SPZ1: variants seen among roughly 807,000 people sequenced by gnomAD.
SPZ1 encodes the protein spermatogenic leucine zipper 1.
For synonymous variants in SPZ1, 160 were observed against 167.6 expected, an observed-to-expected ratio of 0.95 and a Z score of 0.35; for missense variants, 408 against 486.2, an observed-to-expected ratio of 0.84 and a Z score of 1.51.
rs772125664 is a variant in SPZ1 at position 80,321,218 on chromosome 5, G to A, written c.1003G>A (p.Val335Ile). ...ENECQILQQR[V>I]EILKELHHQK... ...TGAATGCCAAATCTTACAGCAGAGA[G>A]TAGAGATTCTCAAGGAACTCCATCA... The change falls in exon 1 of 1, where the codon GTA (valine) becomes ATA (isoleucine). Residue 335 changes from valine to isoleucine, a missense_variant. Transcript: ENST00000296739. 1.2e-6 allele frequency: 2 copies of A among 1,613,952 alleles called. No homozygotes were observed. Among genetic ancestry groups the A allele is most frequent in the Non-Finnish European group, 1.7e-6 (2 of 1,180,026 alleles).
rs1246195835 is a variant in SPZ1 at position 80,320,918 on chromosome 5, A to G, written c.703A>G (p.Asn235Asp). The G allele has an allele frequency of 6.2e-7, 1 of 1,609,868 alleles. No individual in the cohort carries two copies. The highest frequency in any genetic ancestry group is 1.1e-5 in the South Asian group (1 of 89,494). ...QSQEKAKNRL[N>D]VQEETMKIRN... ...TCAGGAAAAAGCAAAAAACAGACTTAATGTTCAAGAAGAAACTATGAAAAT... is the reference window on the plus strand; with the variant it reads ...TCAGGAAAAAGCAAAAAACAGACTTGATGTTCAAGAAGAAACTATGAAAAT... Residue 235 changes from asparagine (N) to aspartate (D), a missense_variant, in exon 1 of 1, where the codon AAT (asparagine) becomes GAT (aspartate). By Grantham distance (23) the Asn-to-Asp change is conservative (BLOSUM62 1). Transcript: ENST00000296739.
At position 80,320,846 on chromosome 5, in the gene SPZ1, G is replaced by A; in HGVS notation, c.631G>A (p.Val211Ile). 6.2e-7 allele frequency: 1 copy of A among 1,614,028 alleles called. No individual in the cohort carries two copies. Among genetic ancestry groups the A allele is most frequent in the East Asian group, 2.2e-5 (1 of 44,870 alleles). Reference protein sequence around the residue: ...NTAQVFARDLVNRLEEKKVLN... With the variant: ...NTAQVFARDLINRLEEKKVLN... The stretch of plus-strand genomic sequence containing the variant: ...CGCACAAGTTTTTGCAAGAGATTTG[G>A]TAAATCGTTTAGAAGAAAAAAAAGT... The change falls in exon 1 of 1, where the codon GTA becomes ATA. Residue 211 changes from valine (V) to isoleucine (I), a missense_variant. Val to Ile is a conservative substitution (Grantham distance 29). Coordinates refer to ENST00000296739, the MANE Select transcript of SPZ1 (RefSeq NM_032567.4).
At position 80,320,994 on chromosome 5, in the gene SPZ1, A is replaced by G; in HGVS notation, c.779A>G (p.Gln260Arg). The G allele has an allele frequency of 6.2e-7, 1 of 1,614,210 alleles. No homozygotes were observed. Among genetic ancestry groups the G allele is most frequent in the Non-Finnish European group, 8.5e-7 (1 of 1,180,036 alleles). ...CAGGAAGCAGAACACTGGAGTAAACAACATACTGAGCTCAGTAAACTGATA... is the reference window on the plus strand; with the variant it reads ...CAGGAAGCAGAACACTGGAGTAAACGACATACTGAGCTCAGTAAACTGATA... ...LLQEAEHWSKQHTELSKLIKS... is the reference protein window; with the variant it reads ...LLQEAEHWSKRHTELSKLIKS... The change falls in exon 1 of 1, where the codon CAA (glutamine) becomes CGA (arginine). Residue 260 changes from glutamine (Q) to arginine (R), a missense_variant. Transcript: ENST00000296739.
In SPZ1 at chr5:80,321,743, C is replaced by G. The variant is rs778493915; in HGVS notation, c.*235C>G. On this transcript the variant is annotated 3_prime_UTR_variant, in exon 1 of 1. Transcript: ENST00000296739. ...GTTCATAACTTTTCACCTTTACAAT[C>G]TGCTTGTTTTTTTTGTAATTATTAG... 5 of 339,120 alleles carry G rather than the reference C, an allele frequency of 1.5e-5. No homozygotes were observed. Among genetic ancestry groups the G allele is most frequent in the Admixed American group, 9.4e-5 (2 of 21,344 alleles). 21.0% of individuals were successfully genotyped at this position (339,120 alleles called of 1,614,324 possible).
At position 80,320,981 on chromosome 5, in the gene SPZ1, C is replaced by T; in HGVS notation, c.766C>T (p.His256Tyr). The change falls in exon 1 of 1, where the codon CAC (histidine) becomes TAC (tyrosine). Residue 256 changes from histidine (H) to tyrosine (Y), a missense_variant. Physicochemically the swap from His to Tyr is moderately conservative, Grantham distance 83. Coordinates refer to ENST00000296739, the MANE Select transcript of SPZ1 (RefSeq NM_032567.4). ...GGAGCAGTTACTACAGGAAGCAGAA[C>T]ACTGGAGTAAACAACATACTGAGCT... Reference protein sequence around the residue: ...NMEQLLQEAEHWSKQHTELSK... With the variant: ...NMEQLLQEAEYWSKQHTELSK... 1 of 1,614,050 alleles carries T rather than the reference C, an allele frequency of 6.2e-7. No homozygotes were observed. Among genetic ancestry groups the T allele is most frequent in the Non-Finnish European group, 8.5e-7 (1 of 1,180,006 alleles).
Position 80,320,250 on chromosome 5 carries a change from C to G in SPZ1, c.35C>G (p.Thr12Ser). ...TCTGCTAAGTCAGCTGAGATGCCCA[C>G]CATCTCCAAAACCGTTAACCCTACT... The part of the protein sequence containing the change: ...ASSAKSAEMP[T>S]ISKTVNPTPD... Residue 12 changes from threonine (T) to serine (S), a missense_variant, in exon 1 of 1, where the codon ACC (threonine) becomes AGC (serine). By Grantham distance (58) the Thr-to-Ser change is moderately conservative. Transcript: ENST00000296739. 6.2e-7 allele frequency: 1 copy of G among 1,612,298 alleles called. No individual in the cohort carries two copies. The highest frequency in any genetic ancestry group is 8.5e-7 in the Non-Finnish European group (1 of 1,179,328).
chr5:80,320,566 C>T lies in SPZ1; in HGVS notation c.351C>T (p.Asp117=), dbSNP rs921122325. The change falls in exon 1 of 1, where the codon GAC becomes GAT. Residue 117 remains aspartate (D), a synonymous_variant. Transcript: ENST00000296739. ...SAHKENIRGL[D]KINEMLSTNL... ...ACAAAGAAAATATCAGAGGACTTGA[C>T]AAAATCAATGAAATGTTATCAACAA... The T allele has an allele frequency of 4.5e-6, 7 of 1,570,350 alleles. No individual in the cohort carries two copies. Among genetic ancestry groups the T allele is most frequent in the African/African-American group, 1.4e-5 (1 of 73,338 alleles).
Position 80,320,505 on chromosome 5 carries a change from T to C in SPZ1, c.290T>C (p.Phe97Ser), listed in dbSNP as rs770757331. 3 of 1,614,092 alleles carry C rather than the reference T, an allele frequency of 1.9e-6. No individual in the cohort carries two copies. The highest frequency in any genetic ancestry group is 1.7e-6 in the Non-Finnish European group (2 of 1,180,044). Reference protein sequence around the residue: ...EEKITEAKELFEETNITEDVS... With the variant: ...EEKITEAKELSEETNITEDVS... ...AAGATCACAGAAGCAAAAGAACTTT[T>C]TGAGGAAACCAATATTACTGAGGAT... Residue 97 changes from phenylalanine to serine, a missense_variant, in exon 1 of 1, where the codon TTT (phenylalanine) becomes TCT (serine). Transcript: ENST00000296739.
Position 80,321,515 on chromosome 5 carries a change from C to A in SPZ1, c.*7C>A. ...AGCTAGCAGCCTAAGATAGAAAATA[C>A]CAAAAGCAGATGAAAAGGTGAATCC... On this transcript the variant is annotated 3_prime_UTR_variant, in exon 1 of 1. Coordinates refer to ENST00000296739, the MANE Select transcript of SPZ1 (RefSeq NM_032567.4). The A allele has an allele frequency of 6.4e-7, 1 of 1,552,640 alleles. No individual in the cohort carries two copies. The highest frequency in any genetic ancestry group is 8.6e-7 in the Non-Finnish European group (1 of 1,156,784).
chr5:80,320,183 A>T lies in SPZ1; in HGVS notation c.-33A>T. The T allele has an allele frequency of 6.5e-7, 1 of 1,537,940 alleles. No homozygotes were observed. Among genetic ancestry groups the T allele is most frequent in the Non-Finnish European group, 8.8e-7 (1 of 1,135,462 alleles). On this transcript the variant is annotated 5_prime_UTR_variant, in exon 1 of 1. Coordinates refer to ENST00000296739, the MANE Select transcript of SPZ1 (RefSeq NM_032567.4). ...AGGACCATCACCTGTCCTTCCTGGA[A>T]TCTCTAAAGTTTTCTGCTTTCCTTC... is the stretch of plus-strand genomic sequence containing the variant.
Position 80,320,077 on chromosome 5 carries a change from A to G in SPZ1, c.-139A>G. On this transcript the variant is annotated 5_prime_UTR_variant, in exon 1 of 1. Coordinates refer to ENST00000296739, the MANE Select transcript of SPZ1 (RefSeq NM_032567.4). ...GTCTGAGATGCCACCTTCCACCTAAACATCATCTCCCAAATTTTAATCCTT... is the reference window on the plus strand; with the variant it reads ...GTCTGAGATGCCACCTTCCACCTAAGCATCATCTCCCAAATTTTAATCCTT... The G allele has an allele frequency of 1.4e-6, 1 of 692,736 alleles. No individual in the cohort carries two copies. Among genetic ancestry groups the G allele is most frequent in the South Asian group, 2.1e-5 (1 of 47,032 alleles). 42.9% of individuals were successfully genotyped at this position (692,736 alleles called of 1,614,324 possible). A position where few individuals can be genotyped will look rare whatever the true frequency, so the allele number is the denominator to read the frequency against.
chr5:80,320,510 G>A lies in SPZ1; in HGVS notation c.295G>A (p.Glu99Lys). ...CACAGAAGCAAAAGAACTTTTTGAGGAAACCAATATTACTGAGGATGTGTC... is the reference window on the plus strand; with the variant it reads ...CACAGAAGCAAAAGAACTTTTTGAGAAAACCAATATTACTGAGGATGTGTC... ...KITEAKELFE[E>K]TNITEDVSAH... Residue 99 changes from glutamate to lysine, a missense_variant, in exon 1 of 1, where the codon GAA (glutamate) becomes AAA (lysine). By Grantham distance (56) the Glu-to-Lys change is moderately conservative. Coordinates refer to ENST00000296739, the MANE Select transcript of SPZ1 (RefSeq NM_032567.4). 1 of 1,614,070 alleles carries A rather than the reference G, an allele frequency of 6.2e-7. No individual in the cohort carries two copies. Among genetic ancestry groups the A allele is most frequent in the Admixed American group, 1.7e-5 (1 of 60,002 alleles).
rs1236587267 is a variant in SPZ1 at position 80,320,824 on chromosome 5, AC to A, written c.610del (p.Gln204LysfsTer8). ...AAAACCAGAACTCTGAGAACACCGC[AC>A]AAGTTTTTGCAAGAGATTTGGTAAA... On this transcript the variant is annotated frameshift_variant, in exon 2 of 2. Transcript: ENST00000511881. LOFTEE classifies it low-confidence loss of function (END_TRUNC). 6 of 1,614,206 alleles carry A rather than the reference AC, an allele frequency of 3.7e-6. No individual in the cohort carries two copies. Among genetic ancestry groups the A allele is most frequent in the South Asian group, 2.2e-5 (2 of 91,072 alleles).
chr5:80,320,021 C>T lies in SPZ1; in HGVS notation c.-195C>T, dbSNP rs1743521741. 3 of 535,252 alleles carry T rather than the reference C, an allele frequency of 5.6e-6. No individual in the cohort carries two copies. The highest frequency in any genetic ancestry group is 3.6e-5 in the Admixed American group (1 of 27,918). The allele number at this position is 535,252 out of a possible 1,614,324, so 33.2% of individuals were successfully genotyped here. ...GAAGAGATGGAGCCCCAGCCTTGGT[C>T]CCCTTTCCCACCCTTCCTCCCCACA... On this transcript the variant is annotated 5_prime_UTR_variant, in exon 1 of 1. Coordinates refer to ENST00000296739, the MANE Select transcript of SPZ1 (RefSeq NM_032567.4).
chr5:80,320,595 T>C lies in SPZ1; in HGVS notation c.380T>C (p.Leu127Pro). Residue 127 changes from leucine (L) to proline (P), a missense_variant, in exon 1 of 1, where the codon CTG becomes CCG. Coordinates refer to ENST00000296739, the MANE Select transcript of SPZ1 (RefSeq NM_032567.4). ...ATCAATGAAATGTTATCAACAAACC[T>C]GCCTGTTAGTTTAGCCCCAGAGAAA... is the stretch of plus-strand genomic sequence containing the variant. Reference protein sequence around the residue: ...DKINEMLSTNLPVSLAPEKED... With the variant: ...DKINEMLSTNPPVSLAPEKED... 1 of 1,613,246 alleles carries C rather than the reference T, an allele frequency of 6.2e-7. No individual in the cohort carries two copies. The highest frequency in any genetic ancestry group is 1.1e-5 in the South Asian group (1 of 90,828).
chr5:80,320,120 T>TGGA lies in SPZ1; in HGVS notation c.-96_-95insGGA. 1 of 961,314 alleles carries TGGA rather than the reference T, an allele frequency of 1.0e-6. No homozygotes were observed. Among genetic ancestry groups the TGGA allele is most frequent in the Admixed American group, 2.5e-5 (1 of 40,016 alleles). 59.5% of individuals were successfully genotyped at this position (961,314 alleles called of 1,614,324 possible). ...TAATCCTTAACTTTGGTCTCTGACT[T>TGGA]CTGCTTGATTCCACAGTCTCCACCC... is the stretch of plus-strand genomic sequence containing the variant. On this transcript the variant is annotated 5_prime_UTR_variant, in exon 1 of 1. Coordinates refer to ENST00000296739, the MANE Select transcript of SPZ1 (RefSeq NM_032567.4).
At position 80,320,350 on chromosome 5, in the gene SPZ1, C is replaced by T; in HGVS notation, c.135C>T (p.Ser45=). ...ALFEIGSHSP[S]SWGSLPFLKN... ...TCGAAATTGGATCACATTCCCCTTC[C>T]TCCTGGGGCTCTCTCCCTTTCCTAA... is the stretch of plus-strand genomic sequence containing the variant. The change falls in exon 1 of 1, where the codon TCC becomes TCT. Residue 45 remains serine (S), a synonymous_variant. Coordinates refer to ENST00000296739, the MANE Select transcript of SPZ1 (RefSeq NM_032567.4). 6.2e-7 allele frequency: 1 copy of T among 1,614,142 alleles called. No individual in the cohort carries two copies. The highest frequency in any genetic ancestry group is 8.5e-7 in the Non-Finnish European group (1 of 1,180,030).
In SPZ1 at chr5:80,321,577, C is replaced by A; in HGVS notation, c.*69C>A. The A allele has an allele frequency of 1.6e-6, 2 of 1,240,214 alleles. No individual in the cohort carries two copies. The highest frequency in any genetic ancestry group is 1.6e-5 in the South Asian group (1 of 64,130). The allele number at this position is 1,240,214 out of a possible 1,614,324, so 76.8% of individuals were successfully genotyped here. ...CATCTGTTACCTCCAACTTGTCAGTCATGATCAATCATCAAACCTTGGGCA... is the reference window on the plus strand; with the variant it reads ...CATCTGTTACCTCCAACTTGTCAGTAATGATCAATCATCAAACCTTGGGCA... On this transcript the variant is annotated 3_prime_UTR_variant, in exon 1 of 1. Transcript: ENST00000296739.
In SPZ1 at chr5:80,320,732, A is replaced by G; in HGVS notation, c.517A>G (p.Thr173Ala). ...TGACAAAATCAATGAAATGTTATCAACAAACCTGCCTGTTAGTTTAGCCCC... is the reference window on the plus strand; with the variant it reads ...TGACAAAATCAATGAAATGTTATCAGCAAACCTGCCTGTTAGTTTAGCCCC... Reference protein sequence around the residue: ...GLDKINEMLSTNLPVSLAPEK... With the variant: ...GLDKINEMLSANLPVSLAPEK... Residue 173 changes from threonine (T) to alanine (A), a missense_variant, in exon 1 of 1, where the codon ACA (threonine) becomes GCA (alanine). Thr to Ala is a moderately conservative substitution (Grantham distance 58, BLOSUM62 0). Coordinates refer to ENST00000296739, the MANE Select transcript of SPZ1 (RefSeq NM_032567.4). The G allele has an allele frequency of 1.9e-6, 3 of 1,599,304 alleles. No homozygotes were observed. The South Asian group carries it at 3.3e-5, about 18-fold the overall frequency.
Sources: gnomAD v4.1 joint callset for allele counts on GRCh38, gnomAD v4.1.1 for gene constraint, MANE v1.5 for transcripts, NCBI Gene and HGNC (gene_info 2026-07-23, HGNC 2026-07-21) for gene names.